The following ZNF365 variants were observed in gnomAD, a reference collection of about 807,000 sequenced individuals.
ZNF365 encodes zinc finger protein 365.
ZNF365 carries 22 observed loss-of-function variants against 35.0 expected under a neutral mutation model. The observed-to-expected ratio is 0.63, with a 90% CI of 0.45 to 0.90. The LOEUF is 0.90. Ranked by LOEUF, ZNF365 falls within the 40% of genes least tolerant of loss-of-function variation. ZNF365 has a pLI of 0.00. For missense variants in ZNF365, 448 were observed against 500.3 expected, an observed-to-expected ratio of 0.90 and a Z score of 1.00; for synonymous variants, 188 against 196.2, an observed-to-expected ratio of 0.96 and a Z score of 0.35.
At chr10:62,377,569 A>ATTT (rs71472207) in intron 2 of ZNF365, among the ~76,000 whole-genome samples, 30,839 of 151,318 alleles carry the variant, frequency 0.2, 3,275 homozygotes, top group Admixed American at 0.27. Context: ...CAAATGATGT[A>ATTT]TTTTTTTTTG....
intron 3 of ZNF365, among the ~76,000 whole-genome samples, chr10:62,389,995 T>C (rs1346002566): frequency 6.6e-6 from 1 of 152,174 alleles, no homozygotes; most frequent in Non-Finnish European, 1.5e-5. Flanking sequence ...CAGCCTTGAC[T>C]AGCTGTGGCT....
intron 2 of ZNF365, among the ~76,000 whole-genome samples, chr10:62,381,334 A>G (rs1039522016): frequency 3.3e-5 from 5 of 152,302 alleles, no homozygotes; most frequent in African/African-American, 9.6e-5. Context: ...CACTCATTTT[A>G]TACATGCAGA....
rs1839343760 is a variant in ZNF365 at position 62,376,842 on chromosome 10, G to T, written c.649G>T (p.Ala217Ser). ...GCAGGAAGTTCAGAGACGAGAGCGG[G>T]CCTTAAACAGACAGGTGGACGTGGC... ...KKQEVQRRER[A>S]LNRQVDVAVE... The change falls in exon 2 of 5, where the codon GCC (alanine) becomes TCC (serine). Residue 217 changes from alanine to serine, a missense_variant. Ala to Ser is a moderately conservative substitution (Grantham distance 99). Around this residue, in one of 3 missense-constraint regions of ZNF365, gnomAD observed 362 missense variants for 375.7 expected, o/e 0.96. Coordinates refer to ENST00000395254, the MANE Select transcript of ZNF365 (RefSeq NM_014951.3). 6.2e-7 allele frequency: 1 copy of T among 1,614,190 alleles called. No homozygotes were observed. The highest frequency in any genetic ancestry group is 1.1e-5 in the South Asian group (1 of 91,086).
intron 3 of ZNF365, among the ~76,000 whole-genome samples, chr10:62,453,708 A>G (rs1394580871): frequency 6.6e-6 from 1 of 152,168 alleles, no homozygotes; most frequent in African/African-American, 2.4e-5. Flanking sequence ...GAGAAACTGT[A>G]CTCTTTGACA....
intron 4 of ZNF365, among the ~76,000 whole-genome samples, chr10:62,476,565 A>C (rs933825925): frequency 6.6e-6 from 1 of 152,228 alleles, no homozygotes; most frequent in Non-Finnish European, 1.5e-5. Flanking sequence ...AGAGGAAAAG[A>C]TTGTTCTGCC....
intron 3 of ZNF365, among the ~76,000 whole-genome samples, chr10:62,447,802 G>A (rs183660077): frequency 3.8e-4 from 58 of 152,278 alleles, no homozygotes; most frequent in Non-Finnish European, 1.2e-4. Flanking sequence ...ATGCCTTTCA[G>A]GTCGTGGTGG....
intron 3 of ZNF365, among the ~76,000 whole-genome samples, chr10:62,397,369 T>C (rs1489237749): frequency 6.6e-6 from 1 of 152,214 alleles, no homozygotes; most frequent in African/African-American, 2.4e-5. Flanking sequence ...TCAGATCATT[T>C]TAGTACAGCA....
intron 4 of ZNF365, among the ~76,000 whole-genome samples, chr10:62,469,945 C>T (rs1024919006): frequency 1.3e-5 from 2 of 152,166 alleles, no homozygotes; most frequent in African/African-American, 4.8e-5. Context: ...CTTGCCTTCT[C>T]AAGACATTAA....
At position 62,401,448 on chromosome 10, in the gene ZNF365, G is replaced by T. The variant is rs1839827086; in HGVS notation, c.*1659G>T. 5.1e-6 allele frequency: 5 copies of T among 983,340 alleles called. No homozygotes were observed. The highest frequency in any genetic ancestry group is 6.0e-6 in the Non-Finnish European group (5 of 829,426). 60.9% of individuals were successfully genotyped at this position (983,340 alleles called of 1,614,324 possible). A position where few individuals can be genotyped will look rare whatever the true frequency, so the allele number is the denominator to read the frequency against. On this transcript the variant is annotated 3_prime_UTR_variant, in exon 5 of 5. Coordinates refer to ENST00000395254, the MANE Select transcript of ZNF365 (RefSeq NM_014951.3). The stretch of plus-strand genomic sequence containing the variant: ...ACAAACATTCTGAACCTACCATAAT[G>T]AAAATGTTCTTGAATCTTCACTTTG...
At chr10:62,395,504 A>ATTTTTTTTTT (rs67866839) in intron 3 of ZNF365, among the ~76,000 whole-genome samples, 127 of 98,450 alleles carry the variant, frequency 1.3e-3, no homozygotes, top group Admixed American at 2.6e-3. Context: ...CACCCGGCTA[A>ATTTTTTTTTT]TTTTTTTTTT....
intron 4 of ZNF365, 138 bp from the exon 5 acceptor site, chr10:62,399,390 G>T (rs1057149524): frequency 7.8e-7 from 1 of 1,280,958 alleles, no homozygotes; most frequent in East Asian, 2.4e-5. Flanking sequence ...CTCATATTAT[G>T]ATTTGCCTTT....
chr10:62,432,277 G>A (rs1840346219), intron 3 of ZNF365, among the ~76,000 whole-genome samples: 2 of 152,116 alleles, frequency 1.3e-5, no homozygotes, highest in Admixed American at 1.3e-4. Context: ...GTTTTTAGGA[G>A]AGCAGTTTCT....
chr10:62,449,779 T>G (rs1840648073), intron 3 of ZNF365, among the ~76,000 whole-genome samples: 2 of 151,914 alleles, frequency 1.3e-5, no homozygotes, highest in African/African-American at 4.8e-5. Flanking sequence ...TCTTCCCAGT[T>G]GGTCAACTTT....
Position 62,471,193 on chromosome 10 carries a change from T to C in ZNF365, c.982-8683T>C, listed in dbSNP as rs548363625. On this transcript the variant is annotated intron_variant, in intron 4 of 4. Transcript: ENST00000395255. Reference sequence around the variant, plus strand: ...CATCCTGGCTAACATGGTGAAACCCTGTCTCTACTAAAAATACAAAAAACT... The same window carrying C: ...CATCCTGGCTAACATGGTGAAACCCCGTCTCTACTAAAAATACAAAAAACT... Among the ~76,000 whole-genome samples, 135 of 152,022 alleles carry C rather than the reference T, an allele frequency of 8.9e-4. 1 individual carries two copies. Among genetic ancestry groups the C allele is most frequent in the East Asian group, 1.9e-3 (10 of 5,164 alleles).
At position 62,399,555 on chromosome 10, in the gene ZNF365, T is replaced by A; in HGVS notation, c.990T>A (p.Cys330Ter). ...GCCGAGGGCACCCGCATTCGGTATG[T>A]AACCACCCTGATCTCAAGGCCCATT... is the stretch of plus-strand genomic sequence containing the variant. Reference protein sequence around the residue: ...CLSRGHPHSVCNHPDLKAHFH... With the variant: ...CLSRGHPHSV Residue 330 changes from cysteine to a stop codon, truncating the protein, a stop_gained, in exon 5 of 5, where the codon TGT becomes TGA. Transcript: ENST00000395254. LOFTEE classifies it high-confidence loss of function. The A allele has an allele frequency of 6.2e-7, 1 of 1,614,106 alleles. No homozygotes were observed.
Position 62,399,678 on chromosome 10 carries a change from A to G in ZNF365, c.1113A>G (p.Arg371=), listed in dbSNP as rs1839792588. The change falls in exon 5 of 5, where the codon AGA becomes AGG. Residue 371 remains arginine, a synonymous_variant. Transcript: ENST00000395254. ...TTCACGAACAGGCTGAGTCCTCAAG[A>G]GACCTCTGCAGACCTCCAAAGAAAG... The part of the protein sequence containing the change: ...KAIHEQAESS[R]DLCRPPKKGE... 6.2e-7 allele frequency: 1 copy of G among 1,614,170 alleles called. No individual in the cohort carries two copies. Among genetic ancestry groups the G allele is most frequent in the East Asian group, 2.2e-5 (1 of 44,868 alleles).
At position 62,379,943 on chromosome 10, in the gene ZNF365, A is replaced by C. The variant is rs145643126; in HGVS notation, c.743+3007A>C. Among the ~76,000 whole-genome samples the C allele has an allele frequency of 4.4e-4, 67 of 152,326 alleles. 1 individual carries two copies. Among genetic ancestry groups the C allele is most frequent in the Non-Finnish European group, 4.3e-4 (29 of 68,028 alleles). On this transcript the variant is annotated intron_variant, in intron 2 of 4. Transcript: ENST00000395254. ...TAACCATCTCATTCACAATTGACTT[A>C]AACTCTGGGGACCCTTTGAAACACG... is the stretch of plus-strand genomic sequence containing the variant.
rs1236925124 is a variant in ZNF365 at position 62,465,812 on chromosome 10, T to C, written c.981+6015T>C. Reference sequence around the variant, plus strand: ...AGTGAAAGGAGCTGTAACACGTTCCTGGCTGGCTTACTGAGCTGCAGGCAG... The same window carrying C: ...AGTGAAAGGAGCTGTAACACGTTCCCGGCTGGCTTACTGAGCTGCAGGCAG... On this transcript the variant is annotated intron_variant, in intron 4 of 4. Transcript: ENST00000395255. 3.9e-5 allele frequency among the ~76,000 whole-genome samples: 6 copies of C among 152,324 alleles called. No homozygotes were observed. The East Asian group carries it at 1.2e-3, about 29-fold the overall frequency.
At chr10:62,424,933 A>G (rs981080709) in intron 3 of ZNF365, among the ~76,000 whole-genome samples, 1 of 152,224 alleles carries the variant, frequency 6.6e-6, no homozygotes, top group Non-Finnish European at 1.5e-5. Flanking sequence ...ACTTTGGGAA[A>G]TGAGGCTAGA....
Sources: gnomAD v4.1 joint callset for allele counts (sites outside exome capture counted in the v4.1 genomes callset) on GRCh38, gnomAD v4.1.1 for gene constraint, gnomAD v4.1.1 regional missense constraint, MANE v1.5 for transcripts, NCBI Gene and HGNC (gene_info 2026-07-23, HGNC 2026-07-21) for gene names.